FAM135A: variants seen among roughly 807,000 people sequenced by gnomAD.
FAM135A encodes family with sequence similarity 135 member A.
A neutral mutation model predicts 146.8 loss-of-function variants in FAM135A; 79 were observed. The observed-to-expected ratio is 0.54, with a 90% CI of 0.45 to 0.65. The LOEUF (loss-of-function observed/expected upper bound fraction) is 0.65, where lower values mean the gene tolerates loss of function less well. FAM135A is among the 30% of genes least tolerant of loss of function. FAM135A has a pLI of 0.00. For synonymous variants in FAM135A, 562 were observed against 603.6 expected (o/e 0.93, Z 1.01); for missense variants, 1,623 against 1,758.2 (o/e 0.92, Z 1.38).
At chr6:70,444,203 G>A (rs1457482066) in intron 4 of FAM135A, among the ~76,000 whole-genome samples, 1 of 152,068 alleles carries the variant, frequency 6.6e-6, no homozygotes, top group Non-Finnish European at 1.5e-5. Flanking sequence ...GGGAGTTTGA[G>A]ACTAGCCTGG....
At chr6:70,465,539 C>T (rs1341258490) in intron 5 of FAM135A, among the ~76,000 whole-genome samples, 3 of 152,108 alleles carry the variant, frequency 2.0e-5, no homozygotes, top group Non-Finnish European at 4.4e-5. Context: ...CCTACCTCAG[C>T]CCCATGAGTC....
chr6:70,486,063 A>G (rs1562502907), intron 10 of FAM135A: 10 of 767,914 alleles, frequency 1.3e-5, no homozygotes, highest in Non-Finnish European at 2.1e-5. Flanking sequence ...TAACTGCACT[A>G]TCAGATCAAC....
Position 70,524,431 on chromosome 6 carries a change from A to G in FAM135A, c.1347A>G (p.Val449=). 6.5e-7 allele frequency: 1 copy of G among 1,545,032 alleles called. No homozygotes were observed. The highest frequency in any genetic ancestry group is 8.7e-7 in the Non-Finnish European group (1 of 1,145,252). Residue 449 remains valine (V), a synonymous_variant, in exon 15 of 22, where the codon GTA becomes GTG. Transcript: ENST00000418814. ...MDKYETEESS[V]AGLSSPELKV... ...AATATGAGACTGAAGAAAGCTCTGT[A>G]GCAGGACTTTCTAGCCCAGAGTTGA...
intron 12 of FAM135A, among the ~76,000 whole-genome samples, chr6:70,515,606 C>T (rs988253348): frequency 1.1e-4 from 17 of 151,588 alleles, no homozygotes; most frequent in Admixed American, 1.1e-3. Flanking sequence ...CTCTGGGGGA[C>T]AGAGGGAGGG....
At position 70,522,517 on chromosome 6, in the gene FAM135A, G is replaced by A. The variant is rs371440122; in HGVS notation, c.1034G>A (p.Arg345His). Reference sequence around the variant, plus strand: ...CTCTCCTTTGGAATTTTTTAGGTACGCAGATTTTCTGAGGCATTCTTTTGT... The same window carrying A: ...CTCTCCTTTGGAATTTTTTAGGTACACAGATTTTCTGAGGCATTCTTTTGT... ...LAQEHHTLRV[R>H]RFSEAFFCFE... Residue 345 changes from arginine to histidine, a missense_variant, in exon 13 of 22, where the codon CGC becomes CAC. Arg to His is a conservative substitution (Grantham distance 29). Coordinates refer to ENST00000418814, the MANE Select transcript of FAM135A (RefSeq NM_001162529.3). 17 of 1,611,748 alleles carry A rather than the reference G, an allele frequency of 1.1e-5. No homozygotes were observed. Among genetic ancestry groups the A allele is most frequent in the South Asian group, 2.2e-5 (2 of 90,798 alleles).
chr6:70,507,673 G>T (rs775217844), intron 12 of FAM135A, among the ~76,000 whole-genome samples: 1 of 151,900 alleles, frequency 6.6e-6, no homozygotes, highest in Non-Finnish European at 1.5e-5. Context: ...GCAAATTAAG[G>T]CATCCAAACT....
intron 2 of FAM135A, among the ~76,000 whole-genome samples, chr6:70,422,001 A>G (rs1768956916): frequency 6.6e-6 from 1 of 152,138 alleles, no homozygotes; most frequent in African/African-American, 2.4e-5. Context: ...GACAGACCTG[A>G]GTTTTTTTGG....
At chr6:70,530,998 C>T (rs1189715123) in intron 16 of FAM135A, among the ~76,000 whole-genome samples, 1 of 151,978 alleles carries the variant, frequency 6.6e-6, no homozygotes, top group East Asian at 1.9e-4. Flanking sequence ...GATAAGAAAA[C>T]AAAGTAGTCA....
chr6:70,483,488 C>T (rs906452759), intron 10 of FAM135A, among the ~76,000 whole-genome samples: 21 of 152,094 alleles, frequency 1.4e-4, no homozygotes, highest in Non-Finnish European at 2.6e-4. Flanking sequence ...CTTAGAATTC[C>T]TGTTTCCCTT....
At chr6:70,529,621 TG>T (rs1280792918) in intron 16 of FAM135A, among the ~76,000 whole-genome samples, 1 of 152,068 alleles carries the variant, frequency 6.6e-6, no homozygotes. Flanking sequence ...ATTATCCCTA[TG>T]TTACATAAAT....
At position 70,428,095 on chromosome 6, in the gene FAM135A, G is replaced by T. The variant is rs530970056; in HGVS notation, c.-39-209G>T. On this transcript the variant is annotated intron_variant, in intron 3 of 21. Coordinates refer to ENST00000418814, the MANE Select transcript of FAM135A (RefSeq NM_001162529.3). ...AAATCTTAGAAAAAGCTTTCTGACA[G>T]GACAATCTTAAATTATAGAGAGTAG... Among the ~76,000 whole-genome samples the T allele has an allele frequency of 9.2e-5, 14 of 152,256 alleles. No individual in the cohort carries two copies. The South Asian group carries it at 2.7e-3, about 29-fold the overall frequency.
At chr6:70,552,982 G>T (rs749989776) in intron 20 of FAM135A, among the ~76,000 whole-genome samples, 4 of 152,102 alleles carry the variant, frequency 2.6e-5, no homozygotes, top group South Asian at 2.1e-4. Context: ...AACTTGGAGA[G>T]AAATTAGTAA....
intron 4 of FAM135A, among the ~76,000 whole-genome samples, chr6:70,430,056 G>T (rs1013081912): frequency 2.0e-5 from 3 of 152,162 alleles, no homozygotes; most frequent in South Asian, 2.1e-4. Flanking sequence ...AGAGCAGAAG[G>T]CCGGGTGCGG....
At chr6:70,540,420 G>A (rs1397924753) in intron 20 of FAM135A, among the ~76,000 whole-genome samples, 2 of 147,738 alleles carry the variant, frequency 1.4e-5, no homozygotes, top group African/African-American at 2.5e-5. Flanking sequence ...CGCCTCCCGA[G>A]TTCACACCAT....
At chr6:70,478,867 AT>A (rs1783141518) in intron 8 of FAM135A, among the ~76,000 whole-genome samples, 1 of 151,966 alleles carries the variant, frequency 6.6e-6, no homozygotes, top group African/African-American at 2.4e-5. Context: ...TAAACTTAAA[AT>A]TTTTTTGGAA....
Position 70,513,990 on chromosome 6 carries a change from G to GT in FAM135A, c.1030-8514dup, listed in dbSNP as rs145529786. 3.8e-3 allele frequency among the ~76,000 whole-genome samples: 571 copies of GT among 149,020 alleles called. 4 individuals are homozygous for GT. The highest frequency in any genetic ancestry group is 0.015 in the East Asian group (78 of 5,066). ...AGTTTTATTGTTTTTGTTGTTGTTTGTTTTTTTTTGTCTTTATCTTGCTTA... is the reference window on the plus strand; with the variant it reads ...AGTTTTATTGTTTTTGTTGTTGTTTGTTTTTTTTTTGTCTTTATCTTGCTTA... On this transcript the variant is annotated intron_variant, in intron 12 of 21. Transcript: ENST00000418814.
At chr6:70,512,318 C>T (rs1023352042) in intron 12 of FAM135A, among the ~76,000 whole-genome samples, 5 of 151,860 alleles carry the variant, frequency 3.3e-5, no homozygotes, top group African/African-American at 1.2e-4. Context: ...AAAGATGCTA[C>T]GAACATTCTT....
At chr6:70,469,459 A>G (rs1435977125) in intron 5 of FAM135A, among the ~76,000 whole-genome samples, 4 of 152,214 alleles carry the variant, frequency 2.6e-5, no homozygotes, top group Non-Finnish European at 5.9e-5. Context: ...TTTGTATACA[A>G]CTTCTTATCT....
intron 18 of FAM135A, among the ~76,000 whole-genome samples, chr6:70,535,480 G>A (rs930073452): frequency 6.6e-6 from 1 of 151,986 alleles, no homozygotes; most frequent in Non-Finnish European, 1.5e-5. Context: ...TCAGATCATC[G>A]GTGAGCATTA....
Sources: gnomAD v4.1 joint callset for allele counts (sites outside exome capture counted in the v4.1 genomes callset) on GRCh38, gnomAD v4.1.1 for gene constraint, MANE v1.5 for transcripts, NCBI Gene and HGNC (gene_info 2026-07-23, HGNC 2026-07-21) for gene names.